Variants in MAML3 observed in about 807,000 individuals in gnomAD.
MAML3 encodes the protein mastermind-like protein 3.
A neutral mutation model predicts 101.9 loss-of-function variants in MAML3; 27 were observed. The ratio of observed to expected loss-of-function variants is 0.27; its 90% CI spans 0.20 to 0.37. The LOEUF is 0.37. MAML3 is among the 10% of genes least tolerant of loss of function. MAML3 has a pLI of 1.00. For missense variants in MAML3, 1,316 were observed against 1,444.9 expected (o/e 0.91, Z 1.45); for synonymous variants, 501 against 555.9 (o/e 0.90, Z 1.39).
intron 1 of MAML3, among the ~76,000 whole-genome samples, chr4:139,951,254 T>C (rs1381942663): frequency 6.6e-6 from 1 of 152,182 alleles, no homozygotes; most frequent in East Asian, 1.9e-4. Context: ...GTTTTCCTTG[T>C]GGCTTCTTCA....
chr4:140,061,509 A>G (rs1235824643), intron 1 of MAML3, among the ~76,000 whole-genome samples: 2 of 152,258 alleles, frequency 1.3e-5, no homozygotes, highest in African/African-American at 4.8e-5. Context: ...AACAATGATC[A>G]AAGTTCACCA....
intron 2 of MAML3, among the ~76,000 whole-genome samples, chr4:139,760,100 T>C (rs997704859): frequency 1.3e-5 from 2 of 152,254 alleles, no homozygotes; most frequent in African/African-American, 4.8e-5. Flanking sequence ...CCTTGGAAGC[T>C]GGCTGAAAGT....
intron 1 of MAML3, among the ~76,000 whole-genome samples, chr4:139,935,909 C>A (rs1391747881): frequency 6.6e-6 from 1 of 152,138 alleles, no homozygotes; most frequent in Non-Finnish European, 1.5e-5. Flanking sequence ...AATGTCTACT[C>A]TCTCAGCAAT....
intron 1 of MAML3, among the ~76,000 whole-genome samples, chr4:140,084,575 T>A (rs1727921212): frequency 6.6e-6 from 1 of 152,176 alleles, no homozygotes; most frequent in Admixed American, 6.5e-5. Context: ...ATGTCTCAGA[T>A]TTCCCCATTA....
At chr4:139,946,479 C>G (rs1198069859) in intron 1 of MAML3, among the ~76,000 whole-genome samples, 1 of 151,886 alleles carries the variant, frequency 6.6e-6, no homozygotes, top group East Asian at 1.9e-4. Context: ...CAGGTATGTA[C>G]AAACGCACAA....
intron 1 of MAML3, among the ~76,000 whole-genome samples, chr4:140,070,408 C>G (rs895129502): frequency 6.6e-6 from 1 of 152,178 alleles, no homozygotes; most frequent in Non-Finnish European, 1.5e-5. Context: ...CATTAAAATG[C>G]TTCTCTTTGA....
intron 1 of MAML3, among the ~76,000 whole-genome samples, chr4:140,042,924 T>C (rs956249251): frequency 6.6e-6 from 1 of 152,176 alleles, no homozygotes; most frequent in Non-Finnish European, 1.5e-5. Flanking sequence ...AGTCTCATAA[T>C]TCAAGTCTCA....
At chr4:140,011,136 T>C (rs1225871900) in intron 1 of MAML3, among the ~76,000 whole-genome samples, 6 of 111,464 alleles carry the variant, frequency 5.4e-5, no homozygotes, top group South Asian at 2.9e-4. Context: ...TATATATATA[T>C]ACACATATGT....
At chr4:139,802,519 C>T (rs909015604) in intron 2 of MAML3, among the ~76,000 whole-genome samples, 2 of 152,130 alleles carry the variant, frequency 1.3e-5, no homozygotes, top group Non-Finnish European at 2.9e-5. Context: ...TCTATATTTT[C>T]CTCTATCCTA....
chr4:139,737,155 C>T (rs568056747), intron 2 of MAML3, among the ~76,000 whole-genome samples: 35 of 152,166 alleles, frequency 2.3e-4, no homozygotes, highest in African/African-American at 6.7e-4. Context: ...ACAAGTCCCT[C>T]GTGTAATAAG....
At chr4:140,069,582 G>A (rs1329699714) in intron 1 of MAML3, among the ~76,000 whole-genome samples, 1 of 135,698 alleles carries the variant, frequency 7.4e-6, no homozygotes, top group African/African-American at 2.8e-5. Flanking sequence ...GGGAGGAGGA[G>A]GAGGAGGAAG....
chr4:140,043,719 AG>A (rs1187693660), intron 1 of MAML3, among the ~76,000 whole-genome samples: 1 of 152,220 alleles, frequency 6.6e-6, no homozygotes, highest in Non-Finnish European at 1.5e-5. Flanking sequence ...ACCTAGATTC[AG>A]CTCTTGGGAC....
intron 1 of MAML3, among the ~76,000 whole-genome samples, chr4:140,046,449 GATAA>G (rs1421742230): frequency 6.6e-6 from 1 of 152,168 alleles, no homozygotes. Context: ...TCTCCTGACT[GATAA>G]ATAAGATTTA....
At chr4:140,151,882 T>C (rs905051997) in intron 1 of MAML3, among the ~76,000 whole-genome samples, 1 of 152,178 alleles carries the variant, frequency 6.6e-6, no homozygotes, top group Non-Finnish European at 1.5e-5. Flanking sequence ...CACCCAGCCA[T>C]TTAAGCCTCT....
Position 140,047,060 on chromosome 4 carries a change from T to C in MAML3, c.468+105800A>G, listed in dbSNP as rs1160849940. On this transcript the variant is annotated intron_variant, in intron 1 of 4. Coordinates refer to ENST00000509479, the MANE Select transcript of MAML3 (RefSeq NM_018717.5). ...GACTGGAAGATGCCGTCTGAGAGAC[T>C]GGGAGAAGGGTTTCAGTGAAGAAAC... Among the ~76,000 whole-genome samples the C allele has an allele frequency of 3.9e-5, 6 of 152,122 alleles. No homozygotes were observed. The South Asian group carries it at 1.2e-3, about 32-fold the overall frequency.
At chr4:139,788,676 T>G (rs1426770960) in intron 2 of MAML3, among the ~76,000 whole-genome samples, 1 of 152,254 alleles carries the variant, frequency 6.6e-6, no homozygotes, top group Non-Finnish European at 1.5e-5. Flanking sequence ...AACTAAGTTT[T>G]GGTCTATGAG....
intron 1 of MAML3, among the ~76,000 whole-genome samples, chr4:139,943,863 A>ATTTTTTTTTTTTTTTTTTTTTT (rs1560844242): frequency 1.3e-5 from 1 of 75,612 alleles, no homozygotes; most frequent in Non-Finnish European, 2.6e-5. Flanking sequence ...CCTAAAGACA[A>ATTTTTTTTTTTTTTTTTTTTTT]CTTTTTTTTT....
In MAML3 at chr4:140,131,360, G is replaced by A. The variant is rs189413015; in HGVS notation, c.468+21500C>T. 4.6e-5 allele frequency among the ~76,000 whole-genome samples: 7 copies of A among 152,272 alleles called. No homozygotes were observed. The East Asian group carries it at 1.4e-3, about 29-fold the overall frequency. On this transcript the variant is annotated intron_variant, in intron 1 of 4. Transcript: ENST00000509479. ...AGGTCACAAAGTTCATTGTAGCAGT[G>A]GTAAGGGAGTAGAGGGAAGAGCTCT...
chr4:140,128,057 G>A (rs183099139), intron 1 of MAML3: 1 of 152,412 alleles, frequency 6.6e-6, no homozygotes, highest in East Asian at 1.9e-4. Flanking sequence ...GGAGAGCTAA[G>A]TGACAGAACA....
Sources: gnomAD v4.1 joint callset for allele counts (sites outside exome capture counted in the v4.1 genomes callset) on GRCh38, gnomAD v4.1.1 for gene constraint, MANE v1.5 for transcripts, NCBI Gene and HGNC (gene_info 2026-07-23, HGNC 2026-07-21) for gene names.